The following F10 variants were observed in gnomAD, a reference collection of about 807,000 sequenced individuals.
F10 encodes coagulation factor X, also known as Stuart-Prower factor.
In F10, 29 loss-of-function variants were observed where a neutral mutation model predicts 37.1. The ratio of observed to expected loss-of-function variants is 0.78; its 90% CI spans 0.58 to 1.07. F10 has a LOEUF of 1.07. Among genes scored for constraint, F10 ranks in the 50% least tolerant of loss-of-function variants. The probability of loss-of-function intolerance (pLI) is 0.00; values close to 1 mark genes in which losing one functional copy is unlikely to be tolerated. For synonymous variants in F10, 262 were observed against 268.6 expected, an observed-to-expected ratio of 0.98 and a Z score of 0.24; for missense variants, 539 against 667.9, an observed-to-expected ratio of 0.81 and a Z score of 2.13.
At chr13:113,124,900 G>A (rs1366078074) in intron 1 of F10, among the ~76,000 whole-genome samples, 2 of 152,220 alleles carry the variant, frequency 1.3e-5, no homozygotes, top group East Asian at 3.9e-4. Context: ...CCTGGCCTCG[G>A]GGTGCCAGCG....
In F10 at chr13:113,146,816, A is replaced by G. The variant is rs1465722594; in HGVS notation, c.748-563A>G. Among the ~76,000 whole-genome samples, 1 of 152,118 alleles carries G rather than the reference A, an allele frequency of 6.6e-6. No homozygotes were observed. The highest frequency in any genetic ancestry group is 2.4e-5 in the African/African-American group (1 of 41,428). On this transcript the variant is annotated intron_variant, in intron 6 of 7. Coordinates refer to ENST00000375559, the MANE Select transcript of F10 (RefSeq NM_000504.4). This position sits in a 1 kb window ranked among gnomAD's most constrained non-coding sequence, Gnocchi z 4.5. Reference sequence around the variant, plus strand: ...AACTTGCAAGTCCAGCTCCCTAGGGACAGCATGTGGCACCCCTGTCAGTGC... The same window carrying G: ...AACTTGCAAGTCCAGCTCCCTAGGGGCAGCATGTGGCACCCCTGTCAGTGC...
chr13:113,129,654 G>C, intron 2 of F10, 42 bp downstream of exon 2: 3 of 1,612,744 alleles, frequency 1.9e-6, no homozygotes, highest in Non-Finnish European at 8.5e-7. Context: ...AGGAGCTCAG[G>C]CCACAGCGCC....
chr13:113,135,070 G>A (rs958103910), intron 2 of F10, among the ~76,000 whole-genome samples: 2 of 151,788 alleles, frequency 1.3e-5, no homozygotes, highest in African/African-American at 4.8e-5. Flanking sequence ...GTGAAACCCC[G>A]TCTCTACTAA....
Position 113,144,326 on chromosome 13 carries a change from G to A in F10, c.747+231G>A. ...GGGGCTGAGGGAGAGGCTGGGCCCAGGCAACGCCCCCCTCAGCCCCTTCCC... is the reference window on the plus strand; with the variant it reads ...GGGGCTGAGGGAGAGGCTGGGCCCAAGCAACGCCCCCCTCAGCCCCTTCCC... On this transcript the variant is annotated intron_variant, in intron 6 of 7. Transcript: ENST00000375559. This position sits in a 1 kb window ranked among gnomAD's most constrained non-coding sequence, Gnocchi z 6.4. The A allele has an allele frequency of 1.6e-6, 1 of 625,320 alleles. No homozygotes were observed. The highest frequency in any genetic ancestry group is 2.8e-6 in the Non-Finnish European group (1 of 360,724). The allele number at this position is 625,320 out of a possible 1,614,324, so 38.7% of individuals were successfully genotyped here.
chr13:113,137,813 C>G (rs989975706), intron 2 of F10, among the ~76,000 whole-genome samples: 10 of 152,254 alleles, frequency 6.6e-5, no homozygotes. Flanking sequence ...CTTATAAGGA[C>G]TTTCTCCTTT....
chr13:113,128,773 T>G (rs1380357596), intron 1 of F10: 1 of 151,024 alleles, frequency 6.6e-6, no homozygotes, highest in Non-Finnish European at 1.5e-5. Context: ...GACAGTAGAA[T>G]CTCCTCCTGA....
Position 113,136,017 on chromosome 13 carries a change from G to A in F10, c.232-2440G>A, listed in dbSNP as rs1424058092. Among the ~76,000 whole-genome samples, 7 of 151,930 alleles carry A rather than the reference G, an allele frequency of 4.6e-5. No individual in the cohort carries two copies. In the East Asian group the frequency reaches 5.8e-4, roughly 13 times the overall value. On this transcript the variant is annotated intron_variant, in intron 2 of 7. Transcript: ENST00000375559. Reference sequence around the variant, plus strand: ...CATATCCAACAAAGGAATCATATTCGGAATATATAAAGAAATCTTAACAGA... The same window carrying A: ...CATATCCAACAAAGGAATCATATTCAGAATATATAAAGAAATCTTAACAGA...
chr13:113,148,897 T>C lies in F10; in HGVS notation c.866-19T>C, dbSNP rs775591493. The C allele has an allele frequency of 9.3e-6, 15 of 1,611,540 alleles. No individual in the cohort carries two copies. Among genetic ancestry groups the C allele is most frequent in the Non-Finnish European group, 1.3e-5 (15 of 1,178,454 alleles). On this transcript the variant is annotated intron_variant, in intron 7 of 7. Transcript: ENST00000375559. ...ATGTCCCTGGCTGAGCTGAGCACAG[T>C]CCCACTCGTCTGTCCCAGGGGACCG...
rs145103995 is a variant in F10 at position 113,140,887 on chromosome 13, G to A, written c.371-32G>A. 7.1e-4 allele frequency: 1,152 copies of A among 1,613,798 alleles called. 10 individuals carry two copies. The highest frequency in any genetic ancestry group is 6.5e-3 in the South Asian group (592 of 91,086). On this transcript the variant is annotated intron_variant, in intron 4 of 7. Coordinates refer to ENST00000375559, the MANE Select transcript of F10 (RefSeq NM_000504.4). ...CAGCCCAGCCTCCATTTCTCCAGCT[G>A]TCCCCAGAGCCAACGTGCCTCTCCT... is the stretch of plus-strand genomic sequence containing the variant.
rs749213415 is a variant in F10 at position 113,129,541 on chromosome 13, GAA to G, written c.162_163del (p.Glu56ValfsTer16). ...TGAAGAGATGAAGAAAGGACACCTCGAAAGAGAGTGCATGGAAGAGACCTGCT... is the reference window on the plus strand; with the variant it reads ...TGAAGAGATGAAGAAAGGACACCTCGAGAGAGTGCATGGAAGAGACCTGCT... ...FLEEMKKGHLERECMEETCSY... is the reference protein window; with the variant it reads ...FLEEMKKGHLXRECMEETCSY... On this transcript the variant is annotated frameshift_variant, in exon 2 of 8. Coordinates refer to ENST00000375559, the MANE Select transcript of F10 (RefSeq NM_000504.4). LOFTEE classifies it high-confidence loss of function. 16 of 1,614,156 alleles carry G rather than the reference GAA, an allele frequency of 9.9e-6. No individual in the cohort carries two copies. The highest frequency in any genetic ancestry group is 1.4e-5 in the Non-Finnish European group (16 of 1,180,028).
chr13:113,136,276 G>C (rs865802189), intron 2 of F10, among the ~76,000 whole-genome samples: 1 of 152,136 alleles, frequency 6.6e-6, no homozygotes, highest in African/African-American at 2.4e-5. Flanking sequence ...TACACTGCTC[G>C]TGGGAATGCA....
Position 113,129,524 on chromosome 13 carries a change from TGAA to T in F10, c.147_149del (p.Lys50del), listed in dbSNP as rs1362205928. The T allele has an allele frequency of 3.1e-6, 5 of 1,613,932 alleles. No individual in the cohort carries two copies. The highest frequency in any genetic ancestry group is 3.4e-6 in the Non-Finnish European group (4 of 1,180,014). On this transcript the variant is annotated inframe_deletion, in exon 2 of 8. Coordinates refer to ENST00000375559, the MANE Select transcript of F10 (RefSeq NM_000504.4). ...AGGGCCAATTCCTTTCTTGAAGAGA[TGAA>T]GAAAGGACACCTCGAAAGAGAGTGC...
rs2036580792 is a variant in F10 at position 113,146,153 on chromosome 13, A to G, written c.748-1226A>G. 6.6e-6 allele frequency among the ~76,000 whole-genome samples: 1 copy of G among 152,136 alleles called. No homozygotes were observed. Among genetic ancestry groups the G allele is most frequent in the Non-Finnish European group, 1.5e-5 (1 of 68,028 alleles). ...ATGCACTGAGGTGGCTCTGCAATGC[A>G]TGTTTGTTGAGGGCCTTCTGTGTGT... On this transcript the variant is annotated intron_variant, in intron 6 of 7. Transcript: ENST00000375559. The surrounding 1 kb of genome is among the most constrained non-coding windows in gnomAD (Gnocchi z 4.5).
At chr13:113,130,029 G>A (rs1441876017) in intron 2 of F10, 2 of 330,618 alleles carry the variant, frequency 6.0e-6, no homozygotes, top group Non-Finnish European at 1.2e-5. Context: ...GTCGCTGAGA[G>A]CCACAGCCTA....
chr13:113,140,452 C>T (rs764190978), intron 4 of F10: 4 of 462,460 alleles, frequency 8.6e-6, no homozygotes, highest in Non-Finnish European at 1.8e-5. Context: ...ATATCAATTA[C>T]GCATCATTCC....
intron 2 of F10, among the ~76,000 whole-genome samples, chr13:113,136,957 G>A (rs2036484554): frequency 1.4e-5 from 2 of 141,682 alleles, no homozygotes; most frequent in Non-Finnish European, 1.5e-5. Flanking sequence ...GCCAATTCTT[G>A]TACTTTTAGT....
chr13:113,148,350 ATATATATATATATGTATATATATATG>A (rs2036602962), intron 7 of F10, among the ~76,000 whole-genome samples: 1 of 109,334 alleles, frequency 9.1e-6, no homozygotes, highest in Non-Finnish European at 1.7e-5. Context: ...AAAAAAATAT[ATATATATATATATGTATATATATATG>A]TGTATATATA....
chr13:113,133,342 TG>T (rs1216756497), intron 2 of F10, among the ~76,000 whole-genome samples: 3 of 152,076 alleles, frequency 2.0e-5, no homozygotes, highest in Non-Finnish European at 2.9e-5. Context: ...AAAGGACCTA[TG>T]TTGGAAATGG....
chr13:113,142,376 G>T (rs4907591), intron 5 of F10, among the ~76,000 whole-genome samples: 3 of 112,828 alleles, frequency 2.7e-5, no homozygotes, highest in African/African-American at 6.4e-5. Context: ...CCCGTCTCTA[G>T]TAAAAATACA....
Sources: gnomAD v4.1 joint callset for allele counts (sites outside exome capture counted in the v4.1 genomes callset) on GRCh38, gnomAD v4.1.1 for gene constraint, Gnocchi (gnomAD v3.1) non-coding constraint, MANE v1.5 for transcripts, NCBI Gene and HGNC (gene_info 2026-07-23, HGNC 2026-07-21) for gene names.